Variants in SPNS2 observed in about 807,000 individuals in gnomAD.
The protein encoded by SPNS2 is sphingosine-1-phosphate transporter SPNS2.
In SPNS2, 37 loss-of-function variants were observed where a neutral mutation model predicts 57.6. The ratio of observed to expected loss-of-function variants is 0.64; its 90% confidence interval spans 0.49 to 0.85. The LOEUF (loss-of-function observed/expected upper bound fraction) is 0.85, where lower values mean the gene tolerates loss of function less well. SPNS2 is among the 40% of genes least tolerant of loss of function. The pLI, the probability that SPNS2 is intolerant of heterozygous loss-of-function variation, is 0.00. For synonymous variants in SPNS2, 440 were observed against 346.9 expected (o/e 1.27, Z -2.98); for missense variants, 831 against 779.1 (o/e 1.07, Z -0.79).
chr17:4,510,087 C>T lies in SPNS2; in HGVS notation c.371-3160C>T, dbSNP rs1904789958. Reference sequence around the variant, plus strand: ...ACCCGCCGAGCTGCTGTGACACACGCTTCCCGTGCCAGCGGCCAGCGGGAT... The same window carrying T: ...ACCCGCCGAGCTGCTGTGACACACGTTTCCCGTGCCAGCGGCCAGCGGGAT... On this transcript the variant is annotated intron_variant, in intron 1 of 12. Coordinates refer to ENST00000329078, the MANE Select transcript of SPNS2 (RefSeq NM_001124758.3). This position sits in a 1 kb window ranked among gnomAD's most constrained non-coding sequence, Gnocchi z 4.4. Among the ~76,000 whole-genome samples, 1 of 152,276 alleles carries T rather than the reference C, an allele frequency of 6.6e-6. No individual in the cohort carries two copies. Among genetic ancestry groups the T allele is most frequent in the Non-Finnish European group, 1.5e-5 (1 of 68,048 alleles).
At chr17:4,534,837 G>A (rs577754445) in intron 9 of SPNS2, among the ~76,000 whole-genome samples, 17 of 152,220 alleles carry the variant, frequency 1.1e-4, no homozygotes, top group African/African-American at 3.9e-4. Context: ...TGCAGATTAA[G>A]TGCTCTTGGT....
intron 3 of SPNS2, among the ~76,000 whole-genome samples, chr17:4,526,790 C>T (rs985641845): frequency 4.6e-5 from 7 of 151,946 alleles, no homozygotes; most frequent in Non-Finnish European, 1.0e-4. Flanking sequence ...ATGGTGGGGA[C>T]ATTGGAGGGA....
chr17:4,536,539 TCA>T, intron 11 of SPNS2, 113 bp downstream of exon 11: 1 of 1,282,074 alleles, frequency 7.8e-7, no homozygotes, highest in African/African-American at 1.5e-5. Context: ...TCCCATGCAC[TCA>T]GTGCACCCAC....
At position 4,499,159 on chromosome 17, in the gene SPNS2, G is replaced by C; in HGVS notation, c.112G>C (p.Gly38Arg). ...RGAQRGAGGS[G>R]CCGARGAGGA... ...GGCGCAGCGAGGGGCTGGCGGTAGC[G>C]GTTGCTGCGGGGCGCGGGGCGCGGG... is the stretch of plus-strand genomic sequence containing the variant. The change falls in exon 1 of 13, where the codon GGT becomes CGT. Residue 38 changes from glycine to arginine, a missense_variant. Transcript: ENST00000329078. This position sits in a 1 kb window ranked among gnomAD's most constrained non-coding sequence, Gnocchi z 5.2. The C allele has an allele frequency of 1.7e-6, 2 of 1,211,236 alleles. No homozygotes were observed. Among genetic ancestry groups the C allele is most frequent in the Non-Finnish European group, 2.1e-6 (2 of 975,464 alleles). The allele number at this position is 1,211,236 out of a possible 1,614,324, so 75.0% of individuals were successfully genotyped here.
At chr17:4,518,250 C>T (rs1011680299) in intron 2 of SPNS2, among the ~76,000 whole-genome samples, 2 of 152,290 alleles carry the variant, frequency 1.3e-5, no homozygotes, top group East Asian at 1.9e-4. Flanking sequence ...TCGGGCCGGG[C>T]GCGGTGGCTC....
rs772746636 is a variant in SPNS2 at position 4,533,378 on chromosome 17, C to T, written c.1224C>T (p.Ala408=). ...LVCAVGMLGS[A]IFICLIFVAA... is the part of the protein sequence containing the mutation. ...GTGCCGTGGGCATGCTGGGCTCTGC[C>T]ATCTTCATCTGCCTGATCTTCGTGG... is the stretch of plus-strand genomic sequence containing the variant. Residue 408 remains alanine, a synonymous_variant, in exon 8 of 13, where the codon GCC becomes GCT. Coordinates refer to ENST00000329078, the MANE Select transcript of SPNS2 (RefSeq NM_001124758.3). The T allele has an allele frequency of 3.7e-6, 6 of 1,610,872 alleles. No homozygotes were observed. Among genetic ancestry groups the T allele is most frequent in the South Asian group, 1.1e-5 (1 of 90,970 alleles).
At chr17:4,509,867 G>A (rs1904783069) in intron 1 of SPNS2, among the ~76,000 whole-genome samples, 1 of 152,246 alleles carries the variant, frequency 6.6e-6, no homozygotes, top group South Asian at 2.1e-4. Context: ...TCTGGGGTAG[G>A]AACCCCACTT....
chr17:4,533,850 C>T lies in SPNS2; in HGVS notation c.1341C>T (p.Leu447=). The change falls in exon 9 of 13, where the codon CTC becomes CTT. Residue 447 remains leucine, a synonymous_variant. Coordinates refer to ENST00000329078, the MANE Select transcript of SPNS2 (RefSeq NM_001124758.3). ...FSNWAITADI[L]MYVVIPTRRA... Reference sequence around the variant, plus strand: ...ACTGGGCCATCACTGCAGACATCCTCATGGTGAGCCAGGCAGGCCGAGGTC... The same window carrying T: ...ACTGGGCCATCACTGCAGACATCCTTATGGTGAGCCAGGCAGGCCGAGGTC... The T allele has an allele frequency of 6.2e-7, 1 of 1,611,018 alleles. No individual in the cohort carries two copies. The highest frequency in any genetic ancestry group is 8.5e-7 in the Non-Finnish European group (1 of 1,178,650).
intron 11 of SPNS2, 100 bp from the exon 12 acceptor site, chr17:4,536,800 C>T (rs1905843577): frequency 6.0e-6 from 6 of 995,150 alleles, no homozygotes; most frequent in East Asian, 2.5e-5. Flanking sequence ...CTGCCCAGCA[C>T]CTCCGGTCAG....
chr17:4,532,505 C>G, intron 5 of SPNS2, 37 bp from the exon 6 acceptor site: 5 of 1,614,034 alleles, frequency 3.1e-6, no homozygotes, highest in Non-Finnish European at 4.2e-6. Flanking sequence ...ACGAGGCTCA[C>G]TGGGCCCTGG....
At chr17:4,508,606 C>T (rs1904744538) in intron 1 of SPNS2, among the ~76,000 whole-genome samples, 1 of 152,130 alleles carries the variant, frequency 6.6e-6, no homozygotes. Context: ...GAAGAGCTGG[C>T]TTAGGGCCAG....
chr17:4,518,125 C>A lies in SPNS2; in HGVS notation c.436+4813C>A, dbSNP rs566665929. Among the ~76,000 whole-genome samples, 8 of 152,172 alleles carry A rather than the reference C, an allele frequency of 5.3e-5. No individual in the cohort carries two copies. The East Asian group carries it at 1.5e-3, about 29-fold the overall frequency. On this transcript the variant is annotated intron_variant, in intron 2 of 12. Transcript: ENST00000329078. The stretch of plus-strand genomic sequence containing the variant: ...GAAGGAGAAGAGGCTGGACAGTGGG[C>A]AGGGTCTGAGTGTGAAAGGCTTGAA...
rs1368976649 is a variant in SPNS2, at chr17:4,537,089, G to A, written c.*4+143G>A. ...TCTGGGCTTTGTCTCTGAAGATGTTGCCAGAATTTACTGATGGAGCCATGG... is the reference window on the plus strand; with the variant it reads ...TCTGGGCTTTGTCTCTGAAGATGTTACCAGAATTTACTGATGGAGCCATGG... On this transcript the variant is annotated intron_variant, in intron 12 of 12. Transcript: ENST00000329078. 1.7e-5 allele frequency: 16 copies of A among 929,736 alleles called. No homozygotes were observed. The East Asian group carries it at 3.1e-4, about 18-fold the overall frequency. 57.6% of individuals were successfully genotyped at this position (929,736 alleles called of 1,614,324 possible).
intron 5 of SPNS2, among the ~76,000 whole-genome samples, chr17:4,532,021 G>T (rs372513612): frequency 6.6e-6 from 1 of 152,046 alleles, no homozygotes; most frequent in African/African-American, 2.4e-5. Flanking sequence ...AGGAACCTAC[G>T]TGGGGAACCT....
chr17:4,501,958 C>T (rs1396557482), intron 1 of SPNS2, among the ~76,000 whole-genome samples: 1 of 152,156 alleles, frequency 6.6e-6, no homozygotes, highest in East Asian at 1.9e-4. Flanking sequence ...ATAATGTAAG[C>T]CACATATTCC....
chr17:4,538,799 G>A lies in SPNS2; in HGVS notation c.*1351G>A, dbSNP rs929262326. 9.2e-6 allele frequency: 7 copies of A among 758,680 alleles called. No homozygotes were observed. Among genetic ancestry groups the A allele is most frequent in the African/African-American group, 1.7e-5 (1 of 57,696 alleles). The allele number at this position is 758,680 out of a possible 1,614,324, so 47.0% of individuals were successfully genotyped here. A position where few individuals can be genotyped will look rare whatever the true frequency, so the allele number is the denominator to read the frequency against. ...GGGTACCCCGAGGGCCTGACAAGAG[G>A]ATGGGGTGGGGGTGGCATCCTCCAA... On this transcript the variant is annotated 3_prime_UTR_variant, in exon 13 of 13. Coordinates refer to ENST00000329078, the MANE Select transcript of SPNS2 (RefSeq NM_001124758.3).
chr17:4,532,924 A>AG (rs201243865), intron 6 of SPNS2, 53 bp from the exon 7 acceptor site: 8 of 1,576,372 alleles, frequency 5.1e-6, no homozygotes, highest in Non-Finnish European at 6.9e-6. Flanking sequence ...GGGGCTGCCT[A>AG]GGGGGGTGAA....
chr17:4,514,920 G>C (rs1904947855), intron 2 of SPNS2, among the ~76,000 whole-genome samples: 1 of 152,234 alleles, frequency 6.6e-6, no homozygotes, highest in South Asian at 2.1e-4. Flanking sequence ...ACTCACTGGG[G>C]ACCTGGCCCG....
intron 3 of SPNS2, among the ~76,000 whole-genome samples, 175 bp from the exon 4 acceptor site, chr17:4,530,455 CTG>C (rs994132735): frequency 3.3e-5 from 5 of 152,168 alleles, no homozygotes; most frequent in African/African-American, 1.2e-4. Context: ...GAGGGGCAAA[CTG>C]AGGCCCGGAG....
Sources: allele counts gnomAD v4.1 joint callset (sites outside exome capture counted in the v4.1 genomes callset), GRCh38; gene constraint gnomAD v4.1.1; non-coding constraint Gnocchi (gnomAD v3.1); transcripts MANE v1.5; gene names NCBI Gene and HGNC (gene_info 2026-07-23, HGNC 2026-07-21).